The following RPA3 variants were observed in gnomAD, a reference collection of about 807,000 sequenced individuals.
The protein encoded by RPA3 is replication protein A3, also known as replication protein A 14 kDa subunit.
Under a neutral mutation model 13.7 loss-of-function variants are expected in RPA3, and 24 were observed. The ratio of observed to expected loss-of-function variants is 1.75; its 90% CI spans 1.27 to 2.46. The LOEUF is 2.46. RPA3 is among the 30% of genes most tolerant of loss of function. RPA3 has a pLI of 0.00. For synonymous variants in RPA3, 59 were observed against 51.2 expected, an observed-to-expected ratio of 1.15 and a Z score of -0.65; for missense variants, 183 against 151.0, an observed-to-expected ratio of 1.21 and a Z score of -1.11.
chr7:7,637,657 A>ATAGTTATATAAAACTGTATGTTATGTAAT (rs1784885852), intron 7 of RPA3, among the ~76,000 whole-genome samples: 1 of 151,122 alleles, frequency 6.6e-6, no homozygotes, highest in African/African-American at 2.4e-5. Flanking sequence ...ATGTTAAAAC[A>ATAGTTATATAAAACTGTATGTTATGTAAT]TAGTTATATA....
intron 2 of RPA3, among the ~76,000 whole-genome samples, chr7:7,701,571 A>T (rs1165511504): frequency 6.6e-6 from 1 of 152,110 alleles, no homozygotes; most frequent in Non-Finnish European, 1.5e-5. Flanking sequence ...CTTCCCCTCT[A>T]TTTAAATGCT....
intron 4 of RPA3, among the ~76,000 whole-genome samples, chr7:7,645,817 A>ATT (rs34158584): frequency 0.04 from 5,839 of 145,442 alleles, 354 homozygotes; most frequent in African/African-American, 0.14. Flanking sequence ...TTTGTTTAGG[A>ATT]TTTTTTTTTT....
chr7:7,708,997 A>G (rs1461755860), intron 2 of RPA3, among the ~76,000 whole-genome samples: 1 of 151,818 alleles, frequency 6.6e-6, no homozygotes, highest in Non-Finnish European at 1.5e-5. Context: ...GTGGGAGGAA[A>G]AGAGGAGAGG....
chr7:7,656,381 T>G (rs2115082702), intron 4 of RPA3, among the ~76,000 whole-genome samples: 1 of 152,270 alleles, frequency 6.6e-6, no homozygotes, highest in South Asian at 2.1e-4. Context: ...GTTTGTTTCA[T>G]AGGTATACAC....
At chr7:7,662,642 C>T (rs1165046412) in intron 4 of RPA3, among the ~76,000 whole-genome samples, 6 of 152,160 alleles carry the variant, frequency 3.9e-5, no homozygotes, top group Admixed American at 1.3e-4. Flanking sequence ...CCTTGGGCTG[C>T]ACCCACTGTC....
chr7:7,642,250 T>A (rs895056507), intron 4 of RPA3, among the ~76,000 whole-genome samples: 5 of 141,304 alleles, frequency 3.5e-5, no homozygotes, highest in African/African-American at 1.5e-4. Flanking sequence ...TCCTCTCACC[T>A]CAGCCTGCCA....
intron 2 of RPA3, among the ~76,000 whole-genome samples, chr7:7,709,417 C>G (rs1321376936): frequency 6.6e-6 from 1 of 152,186 alleles, no homozygotes; most frequent in Non-Finnish European, 1.5e-5. Context: ...CTGGAGAGGT[C>G]AGATGTTGGT....
chr7:7,678,666 T>C (rs1282275733), intron 4 of RPA3, among the ~76,000 whole-genome samples: 1 of 128,412 alleles, frequency 7.8e-6, no homozygotes, highest in African/African-American at 3.2e-5. Context: ...ATTTAGTTTA[T>C]AAATATATAT....
chr7:7,693,740 A>G (rs946993857), intron 2 of RPA3, among the ~76,000 whole-genome samples: 8 of 152,118 alleles, frequency 5.3e-5, no homozygotes, highest in African/African-American at 1.9e-4. Flanking sequence ...ATGAACGTGA[A>G]GTTTTATATC....
chr7:7,660,684 G>A (rs995891971), intron 4 of RPA3, among the ~76,000 whole-genome samples: 9 of 152,176 alleles, frequency 5.9e-5, no homozygotes, highest in African/African-American at 2.2e-4. Flanking sequence ...TTAGTCTGAT[G>A]GACTTCCCTT....
chr7:7,653,045 C>A (rs1165512696), intron 4 of RPA3, among the ~76,000 whole-genome samples: 1 of 152,222 alleles, frequency 6.6e-6, no homozygotes, highest in African/African-American at 2.4e-5. Context: ...CATCCCATGA[C>A]TTAATTCTCC....
At chr7:7,676,343 T>C (rs73050008) in intron 4 of RPA3, 6,361 of 391,590 alleles carry the variant, frequency 0.016, 78 homozygotes, top group Non-Finnish European at 0.02. Context: ...GTGAGTGAGG[T>C]AGTACTATTA....
chr7:7,645,567 C>G (rs940179482), intron 4 of RPA3, among the ~76,000 whole-genome samples: 32 of 152,300 alleles, frequency 2.1e-4, no homozygotes, highest in African/African-American at 7.7e-4. Flanking sequence ...GAGTATTCCC[C>G]GAAGTCCTTC....
At chr7:7,688,017 A>C (rs1780080451) in intron 2 of RPA3, among the ~76,000 whole-genome samples, 2 of 152,214 alleles carry the variant, frequency 1.3e-5, no homozygotes, top group Admixed American at 6.5e-5. Context: ...AACTGAGATA[A>C]GCAGCCATTG....
Position 7,673,368 on chromosome 7 carries a change from A to AGCAGCAGCG in RPA3, c.-758+12461_-758+12462insCGCTGCTGC, listed in dbSNP as rs776102769. The AGCAGCAGCG allele has an allele frequency of 2.7e-5, 30 of 1,125,956 alleles. No homozygotes were observed. The African/African-American group carries it at 4.0e-4, about 15-fold the overall frequency. 69.7% of individuals were successfully genotyped at this position (1,125,956 alleles called of 1,614,324 possible). ...CAGCAGCAGCAGCAGCAGCAGCAGC[A>AGCAGCAGCG]GCAATGTTTCACTTCTTCAGAAAGC... On this transcript the variant is annotated intron_variant, in intron 4 of 7. Transcript: ENST00000223129.
chr7:7,659,555 G>A (rs745665501), intron 4 of RPA3, among the ~76,000 whole-genome samples: 1 of 152,020 alleles, frequency 6.6e-6, no homozygotes, highest in Non-Finnish European at 1.5e-5. Context: ...CCTTAATTTC[G>A]TTATTTACCC....
At chr7:7,715,731 A>G (rs892047868) in intron 1 of RPA3, among the ~76,000 whole-genome samples, 1 of 152,230 alleles carries the variant, frequency 6.6e-6, no homozygotes, top group Non-Finnish European at 1.5e-5. Flanking sequence ...GTAATCCATG[A>G]ATCAGAGTAT....
chr7:7,681,179 C>A (rs892824710), intron 4 of RPA3, among the ~76,000 whole-genome samples: 7 of 152,044 alleles, frequency 4.6e-5, no homozygotes, highest in African/African-American at 2.4e-5. Context: ...CCTTTATAAC[C>A]CATTTCTAGA....
At chr7:7,675,499 A>G (rs1047373417) in intron 4 of RPA3, among the ~76,000 whole-genome samples, 1 of 152,180 alleles carries the variant, frequency 6.6e-6, no homozygotes, top group Non-Finnish European at 1.5e-5. Flanking sequence ...GCCTCCGAGT[A>G]TTATCTACTA....
Sources: gnomAD v4.1 joint callset for allele counts (sites outside exome capture counted in the v4.1 genomes callset) on GRCh38, gnomAD v4.1.1 for gene constraint, MANE v1.5 for transcripts, NCBI Gene and HGNC (gene_info 2026-07-23, HGNC 2026-07-21) for gene names.